Variants in GSE1 observed in about 807,000 individuals in gnomAD.
GSE1 encodes Gse1 coiled-coil protein, also known as genetic suppressor element 1.
GSE1 carries 32 observed loss-of-function variants against 112.6 expected under a neutral mutation model. The observed-to-expected ratio is 0.28, with a 90% CI of 0.21 to 0.38. The LOEUF (loss-of-function observed/expected upper bound fraction) is 0.38, where lower values mean the gene tolerates loss of function less well. GSE1 is among the 10% of genes least tolerant of loss of function. The probability of loss-of-function intolerance (pLI) is 1.00; values close to 1 mark genes in which losing one functional copy is unlikely to be tolerated. For synonymous variants in GSE1, 1,115 were observed against 735.6 expected (o/e 1.52, Z -8.35); for missense variants, 2,348 against 1,699.2 (o/e 1.38, Z -6.71).
chr16:85,450,745 G>A lies in GSE1; in HGVS notation c.2464+93102G>A, dbSNP rs922427468. Among the ~76,000 whole-genome samples the A allele has an allele frequency of 4.7e-5, 7 of 148,390 alleles. No individual in the cohort carries two copies. In the East Asian group the frequency reaches 8.9e-4, roughly 19 times the overall value. On this transcript the variant is annotated intron_variant, in intron 2 of 2. Transcript: ENST00000637419. Reference sequence around the variant, plus strand: ...ATTACAGGCATGAGCCACCTCGCCCGGCCCACCTTACATATTTTTTAAAAG... The same window carrying A: ...ATTACAGGCATGAGCCACCTCGCCCAGCCCACCTTACATATTTTTTAAAAG...
rs1341091723 is a variant in GSE1, at chr16:85,674,209, C to G, written c.*1670C>G. On this transcript the variant is annotated 3_prime_UTR_variant, in exon 16 of 16. Coordinates refer to ENST00000253458, the MANE Select transcript of GSE1 (RefSeq NM_014615.5). ...CTCACTGCTGTGACCAGCAGCCGAGCCCTTGGCCCTAGCCCTTGCTGCGCA... is the reference window on the plus strand; with the variant it reads ...CTCACTGCTGTGACCAGCAGCCGAGGCCTTGGCCCTAGCCCTTGCTGCGCA... 1 of 152,334 alleles carries G rather than the reference C, an allele frequency of 6.6e-6. No individual in the cohort carries two copies. The highest frequency in any genetic ancestry group is 1.5e-5 in the Non-Finnish European group (1 of 68,120). The allele number at this position is 152,334 out of a possible 1,614,324, so 9.4% of individuals were successfully genotyped here. A position where few individuals can be genotyped will look rare whatever the true frequency, so the allele number is the denominator to read the frequency against.
intron 1 of GSE1, among the ~76,000 whole-genome samples, chr16:85,215,589 A>G (rs1388844530): frequency 6.6e-6 from 1 of 152,246 alleles, no homozygotes; most frequent in African/African-American, 2.4e-5. Flanking sequence ...TCTGCCTTAT[A>G]GAGCTGTGGT....
At chr16:85,459,205 C>A (rs1242483398) in intron 2 of GSE1, among the ~76,000 whole-genome samples, 1 of 152,238 alleles carries the variant, frequency 6.6e-6, no homozygotes, top group Non-Finnish European at 1.5e-5. Flanking sequence ...AACCACCGTG[C>A]CAATTGCAAA....
intron 2 of GSE1, among the ~76,000 whole-genome samples, chr16:85,459,980 A>T (rs1187317068): frequency 6.6e-6 from 1 of 152,190 alleles, no homozygotes; most frequent in East Asian, 1.9e-4. Context: ...TTTCTGCCAG[A>T]AAGCAGACCC....
intron 1 of GSE1, among the ~76,000 whole-genome samples, chr16:85,309,517 T>TAAAC (rs938582736): frequency 1.5e-4 from 22 of 151,544 alleles, no homozygotes; most frequent in Admixed American, 3.9e-4. Context: ...AATAAATAAA[T>TAAAC]AAATAAGAAG....
chr16:85,384,827 C>A (rs1186073397), intron 2 of GSE1, among the ~76,000 whole-genome samples: 1 of 152,170 alleles, frequency 6.6e-6, no homozygotes, highest in East Asian at 1.9e-4. Flanking sequence ...CAGGAGGGAA[C>A]ACACAGGAGG....
intron 2 of GSE1, among the ~76,000 whole-genome samples, chr16:85,521,604 C>T (rs1449388822): frequency 6.6e-6 from 1 of 152,244 alleles, no homozygotes; most frequent in African/African-American, 2.4e-5. Flanking sequence ...AAGTCCCCTT[C>T]CTGCTCAGGC....
At chr16:85,241,553 G>C (rs1483322919) in intron 1 of GSE1, among the ~76,000 whole-genome samples, 4 of 151,736 alleles carry the variant, frequency 2.6e-5, no homozygotes, top group African/African-American at 9.6e-5. Flanking sequence ...CCGCAGGGAG[G>C]GGGCCTTGGT....
intron 1 of GSE1, among the ~76,000 whole-genome samples, chr16:85,617,036 C>T (rs1022753578): frequency 6.6e-6 from 1 of 152,218 alleles, no homozygotes; most frequent in Non-Finnish European, 1.5e-5. Context: ...TCCAGCCAGA[C>T]GAAACCACAC....
rs8571 is a variant in GSE1, at chr16:85,676,004, G to A, written c.*3465G>A. 53,982 of 152,478 alleles carry A rather than the reference G, an allele frequency of 0.35. 9,960 individuals are homozygous for A. Among genetic ancestry groups the A allele is most frequent in the African/African-American group, 0.47 (19,676 of 41,442 alleles). 9.4% of individuals were successfully genotyped at this position (152,478 alleles called of 1,614,324 possible). The stretch of plus-strand genomic sequence containing the variant: ...AATTCTATAACAGTAAACCCCATAC[G>A]CAGGTGGGAGGGAGGAACACCGGTG... On this transcript the variant is annotated 3_prime_UTR_variant, in exon 16 of 16. Transcript: ENST00000253458.
intron 1 of GSE1, among the ~76,000 whole-genome samples, chr16:85,600,597 C>G (rs1476411402): frequency 1.3e-5 from 2 of 151,918 alleles, no homozygotes; most frequent in Admixed American, 1.3e-4. Context: ...AACACACACA[C>G]ACACACACAC....
chr16:85,510,928 T>C (rs182831699), intron 2 of GSE1, among the ~76,000 whole-genome samples: 2 of 152,378 alleles, frequency 1.3e-5, no homozygotes, highest in East Asian at 3.9e-4. Flanking sequence ...CAGCCAACCT[T>C]GACCACTCTG....
At chr16:85,528,043 T>TG (rs34181432) in intron 2 of GSE1, among the ~76,000 whole-genome samples, 6 of 151,884 alleles carry the variant, frequency 4.0e-5, no homozygotes, top group African/African-American at 1.2e-4. Flanking sequence ...GGCAGGGGTG[T>TG]GGGGGGGCCC....
chr16:85,477,052 A>G (rs971269168), intron 2 of GSE1, among the ~76,000 whole-genome samples: 1 of 150,122 alleles, frequency 6.7e-6, no homozygotes, highest in Non-Finnish European at 1.5e-5. Flanking sequence ...CAGCCTCCCT[A>G]GTAGCTGGGA....
chr16:85,385,444 C>T lies in GSE1; in HGVS notation c.2464+27801C>T, dbSNP rs56211115. Among the ~76,000 whole-genome samples the T allele has an allele frequency of 2.2e-4, 33 of 152,216 alleles. 1 individual carries two copies. Among genetic ancestry groups the T allele is most frequent in the Admixed American group, 1.3e-3 (20 of 15,300 alleles). Reference sequence around the variant, plus strand: ...CAGAGACTCAAAGCCACACAGAGACCGGGCTGGGTGGGACATACTTGCCTC... The same window carrying T: ...CAGAGACTCAAAGCCACACAGAGACTGGGCTGGGTGGGACATACTTGCCTC... On this transcript the variant is annotated intron_variant, in intron 2 of 2. Transcript: ENST00000637419.
intron 1 of GSE1, among the ~76,000 whole-genome samples, chr16:85,615,240 G>C (rs1035110537): frequency 6.6e-5 from 10 of 152,242 alleles, no homozygotes; most frequent in South Asian, 4.1e-4. Flanking sequence ...CGCAGGCTCC[G>C]ACGGCGAAGT....
intron 2 of GSE1, among the ~76,000 whole-genome samples, chr16:85,449,924 C>G (rs984898877): frequency 1.3e-5 from 2 of 152,212 alleles, no homozygotes; most frequent in African/African-American, 4.8e-5. Context: ...GCTGCCCTTC[C>G]TGCCACACCA....
upstream of GSE1, chr16:85,554,943 G>A (rs2045124919): frequency 1.0e-6 from 1 of 985,368 alleles, no homozygotes; most frequent in Non-Finnish European, 1.2e-6. Flanking sequence ...CACCCTCCCC[G>A]GGTTTGGAGA....
chr16:85,497,517 C>A (rs781141678), intron 2 of GSE1, among the ~76,000 whole-genome samples: 1 of 152,152 alleles, frequency 6.6e-6, no homozygotes, highest in Admixed American at 6.5e-5. Flanking sequence ...CTGAGAGGCA[C>A]CCCGCTCTTA....
Sources: gnomAD v4.1 joint callset for allele counts (sites outside exome capture counted in the v4.1 genomes callset) on GRCh38, gnomAD v4.1.1 for gene constraint, MANE v1.5 for transcripts, NCBI Gene and HGNC (gene_info 2026-07-23, HGNC 2026-07-21) for gene names.